The following NBEAL1 variants were observed in gnomAD, a reference collection of about 807,000 sequenced individuals.
NBEAL1 encodes the protein neurobeachin-like protein 1.
NBEAL1 carries 273 observed loss-of-function variants against 351.3 expected under a neutral mutation model. The observed-to-expected ratio is 0.78, with a 90% CI of 0.70 to 0.86. The LOEUF is 0.86. Ranked by LOEUF, NBEAL1 falls within the 40% of genes least tolerant of loss-of-function variation. The pLI, the probability that NBEAL1 is intolerant of heterozygous loss-of-function variation, is 0.00. For missense variants in NBEAL1, 2,961 were observed against 3,201.3 expected (o/e 0.92, Z 1.81); for synonymous variants, 1,050 against 1,086.4 (o/e 0.97, Z 0.66).
chr2:203,215,278 A>G lies in NBEAL1; in HGVS notation c.8070+1625A>G, dbSNP rs571732397. Reference sequence around the variant, plus strand: ...CACTTTGGGAGGCCGAGGTGGGCGGATCACGAGGTCAAGAGATCAAGACCA... The same window carrying G: ...CACTTTGGGAGGCCGAGGTGGGCGGGTCACGAGGTCAAGAGATCAAGACCA... On this transcript the variant is annotated intron_variant, in intron 55 of 55. Coordinates refer to ENST00000683969, the MANE Select transcript of NBEAL1 (RefSeq NM_001378026.1). 2.0e-5 allele frequency among the ~76,000 whole-genome samples: 3 copies of G among 152,280 alleles called. No individual in the cohort carries two copies. In the East Asian group the frequency reaches 5.8e-4, roughly 29 times the overall value.
chr2:203,082,373 A>G (rs1004638520), intron 8 of NBEAL1, among the ~76,000 whole-genome samples: 1 of 152,194 alleles, frequency 6.6e-6, no homozygotes, highest in South Asian at 2.1e-4. Flanking sequence ...AGCAGTAATT[A>G]TTGTTGTTGA....
intron 4 of NBEAL1, chr2:203,052,142 TATAGA>T (rs1336305103): frequency 6.6e-6 from 1 of 152,178 alleles, no homozygotes; most frequent in African/African-American, 2.4e-5. Flanking sequence ...TATAGGATCA[TATAGA>T]ATAGTTTTCC....
intron 3 of NBEAL1, among the ~76,000 whole-genome samples, chr2:203,044,280 T>G (rs1217308379): frequency 6.6e-6 from 1 of 152,228 alleles, no homozygotes; most frequent in Non-Finnish European, 1.5e-5. Flanking sequence ...TCTTGACCTT[T>G]TCTCAAAATA....
intron 34 of NBEAL1, 135 bp downstream of exon 34, chr2:203,149,283 T>TGTC: frequency 1.7e-6 from 1 of 596,780 alleles, no homozygotes; most frequent in African/African-American, 1.8e-5. Context: ...TCTTATTTAT[T>TGTC]GTCTTTCCAT....
At position 203,221,542 on chromosome 2, in the gene NBEAL1, GT is replaced by G. The variant is rs1559074707; in HGVS notation, c.*4191del. Among the ~76,000 whole-genome samples, 3 of 151,958 alleles carry G rather than the reference GT, an allele frequency of 2.0e-5. No homozygotes were observed. On this transcript the variant is annotated 3_prime_UTR_variant, in exon 56 of 56. Coordinates refer to ENST00000683969, the MANE Select transcript of NBEAL1 (RefSeq NM_001378026.1). ...TATAAGAAATGAAACATGTTTGTTT[GT>G]TTCCTTTTTGTTTGTTTGTTTGCAT...
At chr2:203,191,016 C>G in intron 46 of NBEAL1, 2 of 1,603,682 alleles carry the variant, frequency 1.2e-6, no homozygotes, top group Non-Finnish European at 8.5e-7. Context: ...CTGCCTCTGC[C>G]CTGATCATCA....
intron 12 of NBEAL1, among the ~76,000 whole-genome samples, chr2:203,104,241 G>GTA (rs1014286529): frequency 6.6e-5 from 10 of 152,088 alleles, no homozygotes; most frequent in Non-Finnish European, 1.0e-4. Flanking sequence ...TGTTGAGTGT[G>GTA]TATATATATT....
At position 203,133,070 on chromosome 2, in the gene NBEAL1, A is replaced by G; in HGVS notation, c.3737A>G (p.Asn1246Ser). 1 of 1,472,920 alleles carries G rather than the reference A, an allele frequency of 6.8e-7. No homozygotes were observed. Among genetic ancestry groups the G allele is most frequent in the Non-Finnish European group, 9.2e-7 (1 of 1,088,964 alleles). The allele number at this position is 1,472,920 out of a possible 1,614,324, so 91.2% of individuals were successfully genotyped here. The change falls in exon 27 of 56, where the codon AAT (asparagine) becomes AGT (serine). Residue 1246 changes from asparagine to serine, a missense_variant. Physicochemically the swap from Asn to Ser is conservative, Grantham distance 46. Coordinates refer to ENST00000683969, the MANE Select transcript of NBEAL1 (RefSeq NM_001378026.1). ...HQIINTDPVI[N>S]FKDLLSVVYI... is the part of the protein sequence containing the mutation. Reference sequence around the variant, plus strand: ...TTTCCTACCATAGATCCTGTTATTAATTTCAAAGATCTACTATCTGTGGTA... The same window carrying G: ...TTTCCTACCATAGATCCTGTTATTAGTTTCAAAGATCTACTATCTGTGGTA...
intron 10 of NBEAL1, among the ~76,000 whole-genome samples, chr2:203,094,830 G>T (rs543932005): frequency 1.3e-5 from 2 of 152,258 alleles, no homozygotes; most frequent in East Asian, 3.9e-4. Context: ...TTGAATTAAT[G>T]AAAAGAATAG....
intron 18 of NBEAL1, among the ~76,000 whole-genome samples, chr2:203,117,108 G>T (rs992155350): frequency 6.8e-6 from 1 of 146,088 alleles, no homozygotes; most frequent in African/African-American, 2.5e-5. Flanking sequence ...TCTCAAAAAA[G>T]AAAAAGAAAG....
intron 24 of NBEAL1, among the ~76,000 whole-genome samples, chr2:203,128,937 A>G (rs1449612636): frequency 6.6e-6 from 1 of 152,226 alleles, no homozygotes; most frequent in Non-Finnish European, 1.5e-5. Context: ...AAAATATTAC[A>G]TAAAGAGTAA....
chr2:203,082,069 A>T (rs1361925683), intron 8 of NBEAL1, among the ~76,000 whole-genome samples: 3 of 152,248 alleles, frequency 2.0e-5, no homozygotes, highest in Non-Finnish European at 4.4e-5. Flanking sequence ...CATGGGTGAC[A>T]GAGGAAGACC....
chr2:203,136,646 T>C lies in NBEAL1; in HGVS notation c.4437T>C (p.Tyr1479=), dbSNP rs771004003. 8 of 1,612,740 alleles carry C rather than the reference T, an allele frequency of 5.0e-6. No homozygotes were observed. Among genetic ancestry groups the C allele is most frequent in the Non-Finnish European group, 5.1e-6 (6 of 1,179,006 alleles). Residue 1479 remains tyrosine (Y), a synonymous_variant, in exon 29 of 56, where the codon TAT becomes TAC. Transcript: ENST00000683969. ...AATTACTGACACATATTTTGAATTA[T>C]GTAATGTGTAAGGGACTAGAAAAGT... The part of the protein sequence containing the change: ...LLQLLTHILN[Y]VMCKGLEKSD...
chr2:203,058,624 C>G (rs1371795409), intron 6 of NBEAL1, among the ~76,000 whole-genome samples: 1 of 152,134 alleles, frequency 6.6e-6, no homozygotes, highest in Non-Finnish European at 1.5e-5. Flanking sequence ...AAGACAGGAA[C>G]CAACTGCCAT....
rs756242600 is a variant in NBEAL1, at chr2:203,169,769, G to A, written c.6020G>A (p.Arg2007Gln). The change falls in exon 39 of 56, where the codon CGA (arginine) becomes CAA (glutamine). Residue 2007 changes from arginine (R) to glutamine (Q), a missense_variant. Arg to Gln is a conservative substitution (Grantham distance 43). Transcript: ENST00000683969. Reference sequence around the variant, plus strand: ...TAGGTTAGAAACAAAATATATAGCCGACTGTTGTCACTTCATTCCCCAAAT... The same window carrying A: ...TAGGTTAGAAACAAAATATATAGCCAACTGTTGTCACTTCATTCCCCAAAT... ...KKEVRNKIYSRLLSLHSPNSY... is the reference protein window; with the variant it reads ...KKEVRNKIYSQLLSLHSPNSY... 21 of 1,607,246 alleles carry A rather than the reference G, an allele frequency of 1.3e-5. No individual in the cohort carries two copies. The highest frequency in any genetic ancestry group is 6.7e-5 in the East Asian group (3 of 44,700).
At chr2:203,166,788 CAT>C (rs1162259615) in intron 37 of NBEAL1, among the ~76,000 whole-genome samples, 1 of 151,928 alleles carries the variant, frequency 6.6e-6, no homozygotes, top group African/African-American at 2.4e-5. Flanking sequence ...CTCCCAAACT[CAT>C]GTGATCTGCC....
intron 26 of NBEAL1, among the ~76,000 whole-genome samples, chr2:203,132,824 G>A (rs925518624): frequency 1.3e-5 from 2 of 152,020 alleles, no homozygotes; most frequent in African/African-American, 4.8e-5. Context: ...AATAATATAA[G>A]AGCCATGCAG....
intron 10 of NBEAL1, among the ~76,000 whole-genome samples, chr2:203,087,779 A>C (rs1189123424): frequency 6.6e-6 from 1 of 152,134 alleles, no homozygotes; most frequent in African/African-American, 2.4e-5. Flanking sequence ...GTGACACTTA[A>C]ACTTTTTGTG....
Position 203,131,747 on chromosome 2 carries a change from C to G in NBEAL1, c.3565-226C>G, listed in dbSNP as rs139193033. 4.6e-5 allele frequency among the ~76,000 whole-genome samples: 7 copies of G among 152,140 alleles called. No homozygotes were observed. The East Asian group carries it at 1.4e-3, about 29-fold the overall frequency. The stretch of plus-strand genomic sequence containing the variant: ...TTTGTACTTAAGGAATAAAATGATG[C>G]TCCAAAAACAAAGTATAGCCATGTT... On this transcript the variant is annotated intron_variant, in intron 25 of 55. Coordinates refer to ENST00000683969, the MANE Select transcript of NBEAL1 (RefSeq NM_001378026.1).
Sources: allele counts gnomAD v4.1 joint callset (sites outside exome capture counted in the v4.1 genomes callset), GRCh38; gene constraint gnomAD v4.1.1; transcripts MANE v1.5; gene names NCBI Gene and HGNC (gene_info 2026-07-23, HGNC 2026-07-21).